The following GTF3C6 variants were observed in gnomAD, a reference collection of about 807,000 sequenced individuals.
GTF3C6 encodes general transcription factor IIIC subunit 6.
A neutral mutation model predicts 19.2 loss-of-function variants in GTF3C6; 11 were observed. That is an observed-to-expected ratio of 0.57 (90% CI 0.36 to 0.95). GTF3C6 has a LOEUF of 0.95. Ranked by LOEUF, GTF3C6 falls within the 40% of genes least tolerant of loss-of-function variation. The pLI, the probability that GTF3C6 is intolerant of heterozygous loss-of-function variation, is 0.01. For missense variants in GTF3C6, 222 were observed against 254.7 expected (o/e 0.87, Z 0.87); for synonymous variants, 87 against 84.2 (o/e 1.03, Z -0.18).
In GTF3C6 at chr6:110,959,198, A is replaced by G. The variant is rs150359695; in HGVS notation, c.84A>G (p.Ser28=). ...AGCAGTTGGTTCTGGTGGAATTATCAGGAATTATTGATTCAGACTTCCTCT... is the reference window on the plus strand; with the variant it reads ...AGCAGTTGGTTCTGGTGGAATTATCGGGAATTATTGATTCAGACTTCCTCT... The part of the protein sequence containing the change: ...EEEQLVLVEL[S]GIIDSDFLSK... The change falls in exon 2 of 6, where the codon TCA becomes TCG. Residue 28 remains serine (S), a synonymous_variant. Coordinates refer to ENST00000329970, the MANE Select transcript of GTF3C6 (RefSeq NM_138408.4). The G allele has an allele frequency of 5.6e-6, 9 of 1,612,810 alleles. No homozygotes were observed. The Admixed American group carries it at 1.3e-4, about 24-fold the overall frequency.
At chr6:110,962,938 C>A (rs1478964412) in intron 5 of GTF3C6, among the ~76,000 whole-genome samples, 4 of 152,134 alleles carry the variant, frequency 2.6e-5, no homozygotes, top group African/African-American at 4.8e-5. Flanking sequence ...ACCACCAGGG[C>A]CAGCTAATTT....
chr6:110,962,871 C>T (rs138213229), intron 5 of GTF3C6, among the ~76,000 whole-genome samples: 39 of 152,126 alleles, frequency 2.6e-4, no homozygotes, highest in African/African-American at 9.2e-4. Context: ...CTCCGCCTCC[C>T]GGGTTCAAGC....
intron 5 of GTF3C6, among the ~76,000 whole-genome samples, chr6:110,965,815 A>T (rs1045980200): frequency 6.6e-6 from 1 of 152,212 alleles, no homozygotes; most frequent in Non-Finnish European, 1.5e-5. Flanking sequence ...ATAACAAATT[A>T]TCCCTAAACT....
intron 4 of GTF3C6, among the ~76,000 whole-genome samples, chr6:110,961,350 C>T (rs1326912626): frequency 6.6e-6 from 1 of 151,946 alleles, no homozygotes; most frequent in African/African-American, 2.4e-5. Context: ...AGGGTTTCGC[C>T]ATGTTGGCCA....
intron 1 of GTF3C6, 145 bp from the exon 2 acceptor site, chr6:110,959,017 TGGGAAGTACC>T: frequency 1.2e-6 from 1 of 825,310 alleles, no homozygotes; most frequent in South Asian, 1.5e-5. Flanking sequence ...GTACTTGGGA[TGGGAAGTACC>T]GGGAAGTTAC....
chr6:110,966,294 T>C lies in GTF3C6; in HGVS notation c.362-1216T>C, dbSNP rs891073921. Among the ~76,000 whole-genome samples the C allele has an allele frequency of 1.4e-4, 21 of 152,040 alleles. 1 individual carries two copies. Among genetic ancestry groups the C allele is most frequent in the Admixed American group, 1.4e-3 (21 of 15,230 alleles). On this transcript the variant is annotated intron_variant, in intron 5 of 5. Coordinates refer to ENST00000329970, the MANE Select transcript of GTF3C6 (RefSeq NM_138408.4). Reference sequence around the variant, plus strand: ...TTCAAGACCAGCCTGGCCAATATGGTGAGACCCCCCATTTCCACTAAAGAT... The same window carrying C: ...TTCAAGACCAGCCTGGCCAATATGGCGAGACCCCCCATTTCCACTAAAGAT...
intron 5 of GTF3C6, among the ~76,000 whole-genome samples, chr6:110,963,442 C>G (rs1025023623): frequency 6.6e-6 from 1 of 152,104 alleles, no homozygotes; most frequent in Non-Finnish European, 1.5e-5. Context: ...TCCCTCTCCC[C>G]TCTTTAATTA....
intron 5 of GTF3C6, among the ~76,000 whole-genome samples, chr6:110,963,495 T>A (rs1041344086): frequency 1.3e-5 from 2 of 152,192 alleles, no homozygotes; most frequent in African/African-American, 4.8e-5. Flanking sequence ...GCATGATGAT[T>A]ATGTTTTTAC....
intron 5 of GTF3C6, among the ~76,000 whole-genome samples, chr6:110,962,743 C>T (rs777246284): frequency 6.6e-6 from 1 of 152,106 alleles, no homozygotes; most frequent in Admixed American, 6.6e-5. Flanking sequence ...ACAGGGATTA[C>T]AGGCACCCAC....
chr6:110,958,978 CT>C, intron 1 of GTF3C6, 152 bp downstream of exon 1: 1 of 941,942 alleles, frequency 1.1e-6, no homozygotes, highest in Non-Finnish European at 1.6e-6. Flanking sequence ...AGCCGGGCAG[CT>C]TGGGACCTTA....
chr6:110,958,990 G>A, intron 1 of GTF3C6, 164 bp downstream of exon 1: 3 of 876,498 alleles, frequency 3.4e-6, no homozygotes, highest in South Asian at 1.5e-5. Context: ...TGGGACCTTA[G>A]CCCTAATCGT....
In GTF3C6 at chr6:110,962,470, T is replaced by C; in HGVS notation, c.326T>C (p.Leu109Pro). ...TMKKLSMTRTLLTEKKEGEEN... is the reference protein window; with the variant it reads ...TMKKLSMTRTPLTEKKEGEEN... ...AAGAAGCTCAGCATGACAAGAACTCTCCTGACAGAGAAGAAGGAAGGAGAA... is the reference window on the plus strand; with the variant it reads ...AAGAAGCTCAGCATGACAAGAACTCCCCTGACAGAGAAGAAGGAAGGAGAA... The change falls in exon 5 of 6, where the codon CTC becomes CCC. Residue 109 changes from leucine to proline, a missense_variant. By Grantham distance (98) the Leu-to-Pro change is moderately conservative. Coordinates refer to ENST00000329970, the MANE Select transcript of GTF3C6 (RefSeq NM_138408.4). 10 of 1,610,620 alleles carry C rather than the reference T, an allele frequency of 6.2e-6. No individual in the cohort carries two copies. The highest frequency in any genetic ancestry group is 7.6e-6 in the Non-Finnish European group (9 of 1,176,840).
At chr6:110,964,229 AT>A (rs1273820467) in intron 5 of GTF3C6, among the ~76,000 whole-genome samples, 1 of 137,790 alleles carries the variant, frequency 7.3e-6, no homozygotes, top group East Asian at 3.5e-4. Context: ...ATGCCTGGCT[AT>A]TTCTTTTTTT....
At chr6:110,959,936 A>G (rs1370887035) in intron 2 of GTF3C6, among the ~76,000 whole-genome samples, 1 of 150,898 alleles carries the variant, frequency 6.6e-6, no homozygotes, top group African/African-American at 2.4e-5. Flanking sequence ...CAGCCTGGGC[A>G]ACAAAGGGCA....
At chr6:110,963,904 G>A (rs1314839168) in intron 5 of GTF3C6, among the ~76,000 whole-genome samples, 1 of 152,032 alleles carries the variant, frequency 6.6e-6, no homozygotes, top group Non-Finnish European at 1.5e-5. Flanking sequence ...GCTTCGCCAT[G>A]TTGGCCAGGC....
At chr6:110,958,849 C>T (rs753808048) in intron 1 of GTF3C6, 23 bp downstream of exon 1, 87 of 1,549,656 alleles carry the variant, frequency 5.6e-5, no homozygotes, top group Non-Finnish European at 7.0e-5. Context: ...ACGCCAAAAG[C>T]CTGCACCGCA....
In GTF3C6 at chr6:110,960,327, G is replaced by A. The variant is rs944080636; in HGVS notation, c.139-87G>A. The A allele has an allele frequency of 3.5e-6, 4 of 1,153,832 alleles. 1 individual carries two copies. The highest frequency in any genetic ancestry group is 4.9e-6 in the Non-Finnish European group (4 of 816,802). The allele number at this position is 1,153,832 out of a possible 1,614,324, so 71.5% of individuals were successfully genotyped here. A position where few individuals can be genotyped will look rare whatever the true frequency, so the allele number is the denominator to read the frequency against. On this transcript the variant is annotated intron_variant, in intron 2 of 5. Transcript: ENST00000329970. ...ATGCTCTAGAGGTTCCCCAGTTTTG[G>A]AGATTAGTTTCCTTGGTAGCAAGGT...
intron 5 of GTF3C6, among the ~76,000 whole-genome samples, chr6:110,965,520 AC>A (rs1419066157): frequency 6.6e-6 from 1 of 152,214 alleles, no homozygotes; most frequent in Non-Finnish European, 1.5e-5. Flanking sequence ...TCTATATACA[AC>A]TATATAATAA....
chr6:110,964,383 T>TA (rs941676837), intron 5 of GTF3C6, among the ~76,000 whole-genome samples: 2 of 151,818 alleles, frequency 1.3e-5, no homozygotes, highest in African/African-American at 4.8e-5. Flanking sequence ...TAGCTGAGAC[T>TA]ACAGGCGCAT....
Sources: gnomAD v4.1 joint callset for allele counts (sites outside exome capture counted in the v4.1 genomes callset) on GRCh38, gnomAD v4.1.1 for gene constraint, MANE v1.5 for transcripts, NCBI Gene and HGNC (gene_info 2026-07-23, HGNC 2026-07-21) for gene names.